Variants in ABCB11 observed in about 807,000 individuals in gnomAD.
ABCB11 encodes the protein ATP binding cassette subfamily B member 11.
A neutral mutation model predicts 148.0 loss-of-function variants in ABCB11; 95 were observed. The ratio of observed to expected loss-of-function variants is 0.64; its 90% CI spans 0.54 to 0.76. The LOEUF (loss-of-function observed/expected upper bound fraction) is 0.76. Among genes scored for constraint, ABCB11 ranks in the 30% least tolerant of loss-of-function variants. The pLI is 0.00. For missense variants in ABCB11, 1,523 were observed against 1,617.8 expected (o/e 0.94, Z 1.01); for synonymous variants, 591 against 555.4 (o/e 1.06, Z -0.90).
chr2:168,954,538 G>A (rs1221757266), intron 19 of ABCB11, among the ~76,000 whole-genome samples: 3 of 151,230 alleles, frequency 2.0e-5, no homozygotes, highest in Admixed American at 6.6e-5. Flanking sequence ...TCAGCACTTT[G>A]AAAATGCCAT....
chr2:168,972,435 T>C (rs1293741547), intron 13 of ABCB11, among the ~76,000 whole-genome samples: 1 of 120,194 alleles, frequency 8.3e-6, no homozygotes, highest in Non-Finnish European at 1.8e-5. Flanking sequence ...CAATGATCCC[T>C]ATCTTGTATA....
chr2:168,959,683 T>G (rs529350517), intron 18 of ABCB11, among the ~76,000 whole-genome samples: 29 of 151,718 alleles, frequency 1.9e-4, no homozygotes, highest in Non-Finnish European at 3.4e-4. Context: ...CCAAGTGAAG[T>G]GCAAACCTTA....
chr2:169,029,716 TCTTTCCTC>T (rs1695803909), intron 1 of ABCB11, among the ~76,000 whole-genome samples: 1 of 136,276 alleles, frequency 7.3e-6, no homozygotes, highest in South Asian at 2.4e-4. Flanking sequence ...AATGTACAGT[TCTTTCCTC>T]TTTTTTTTTT....
Position 168,970,133 on chromosome 2 carries a change from A to G in ABCB11, c.1721T>C (p.Ile574Thr), listed in dbSNP as rs1346179683. 3.7e-6 allele frequency: 6 copies of G among 1,612,858 alleles called. No individual in the cohort carries two copies. The highest frequency in any genetic ancestry group is 5.1e-6 in the Non-Finnish European group (6 of 1,179,314). The change falls in exon 15 of 28, where the codon ATC becomes ACC. Residue 574 changes from isoleucine to threonine, a missense_variant. Ile to Thr is a moderately conservative substitution (Grantham distance 89). Coordinates refer to ENST00000650372, the MANE Select transcript of ABCB11 (RefSeq NM_003742.4). Reference protein sequence around the residue: ...KQRVAIARALIRNPKILLLDM... With the variant: ...KQRVAIARALTRNPKILLLDM... ...CAAAAGCAGAATCTTGGGATTTCGGATGAGGGCTCTGGCGATAGCTACCCT... is the reference window on the plus strand; with the variant it reads ...CAAAAGCAGAATCTTGGGATTTCGGGTGAGGGCTCTGGCGATAGCTACCCT...
Position 168,924,790 on chromosome 2 carries a change from T to C in ABCB11, c.3632A>G (p.Asn1211Ser). The change falls in exon 27 of 28, where the codon AAC (asparagine) becomes AGC (serine). Residue 1211 changes from asparagine (N) to serine (S), a missense_variant. By Grantham distance (46) the Asn-to-Ser change is conservative. Coordinates refer to ENST00000650372, the MANE Select transcript of ABCB11 (RefSeq NM_003742.4). ...GAGTTGAGACCCCTGGGACCCAACGTTAGTTTCATATTTCTGAAAAAAAGT... is the reference window on the plus strand; with the variant it reads ...GAGTTGAGACCCCTGGGACCCAACGCTAGTTTCATATTTCTGAAAAAAAGT... ...VMSLPEKYET[N>S]VGSQGSQLSR... 6.2e-7 allele frequency: 1 copy of C among 1,611,452 alleles called. No homozygotes were observed. The highest frequency in any genetic ancestry group is 8.5e-7 in the Non-Finnish European group (1 of 1,178,908).
chr2:168,950,046 T>C (rs772883165), intron 19 of ABCB11, among the ~76,000 whole-genome samples: 65 of 151,132 alleles, frequency 4.3e-4, no homozygotes, highest in Non-Finnish European at 7.0e-4. Context: ...AGACAGCCTA[T>C]TGTGGGACCT....
At chr2:168,929,193 G>C (rs1691453949) in intron 25 of ABCB11, among the ~76,000 whole-genome samples, 1 of 152,052 alleles carries the variant, frequency 6.6e-6, no homozygotes, top group African/African-American at 2.4e-5. Context: ...ATTTGCTTTT[G>C]GATGAGCTCC....
chr2:168,969,175 G>A (rs1693457062), intron 16 of ABCB11, among the ~76,000 whole-genome samples, 175 bp downstream of exon 16: 1 of 150,948 alleles, frequency 6.6e-6, no homozygotes, highest in South Asian at 2.1e-4. Flanking sequence ...TTTTAGTGCT[G>A]TAACTTGATC....
In ABCB11 at chr2:168,936,258, T is replaced by C; in HGVS notation, c.2786A>G (p.Asp929Gly). ...TCCCACCATCTCCAGGGCCTGCTTATCTCGAGAGGCAAATCCTGTCAACAT... is the reference window on the plus strand; with the variant it reads ...TCCCACCATCTCCAGGGCCTGCTTACCTCGAGAGGCAAATCCTGTCAACAT... ...TRMLTGFASR[D>G]KQALEMVGQI... is the part of the protein sequence containing the mutation. Residue 929 changes from aspartate (D) to glycine (G), a missense_variant, in exon 22 of 28, where the codon GAT (aspartate) becomes GGT (glycine). Physicochemically the swap from Asp to Gly is moderately conservative, Grantham distance 94 (BLOSUM62 -1). Coordinates refer to ENST00000650372, the MANE Select transcript of ABCB11 (RefSeq NM_003742.4). The C allele has an allele frequency of 2.5e-6, 4 of 1,613,868 alleles. No individual in the cohort carries two copies. Among genetic ancestry groups the C allele is most frequent in the Non-Finnish European group, 3.4e-6 (4 of 1,179,838 alleles).
At chr2:169,001,963 A>G (rs575087141) in intron 5 of ABCB11, among the ~76,000 whole-genome samples, 2 of 152,310 alleles carry the variant, frequency 1.3e-5, no homozygotes, top group Admixed American at 6.5e-5. Flanking sequence ...CAATCAAAAG[A>G]CAGAGATTGT....
downstream of ABCB11, among the ~76,000 whole-genome samples, chr2:168,919,963 C>T (rs1351957561): frequency 1.3e-5 from 2 of 152,052 alleles, no homozygotes; most frequent in African/African-American, 2.4e-5. Flanking sequence ...GCCTCAACCA[C>T]CTGAACTCAA....
intron 6 of ABCB11, among the ~76,000 whole-genome samples, chr2:168,996,021 T>C (rs560035518): frequency 1.6e-5 from 2 of 127,050 alleles, no homozygotes; most frequent in South Asian, 2.7e-4. Context: ...AAATTCCCAA[T>C]GCCTAAATGG....
rs777001075 is a variant in ABCB11 at position 168,924,785 on chromosome 2, C to T, written c.3637G>A (p.Gly1213Arg). The change falls in exon 27 of 28, where the codon GGG (glycine) becomes AGG (arginine). Residue 1213 changes from glycine (G) to arginine (R), a missense_variant. Gly to Arg is a moderately radical substitution (Grantham distance 125). Coordinates refer to ENST00000650372, the MANE Select transcript of ABCB11 (RefSeq NM_003742.4). The part of the protein sequence containing the change: ...SLPEKYETNV[G>R]SQGSQLSRGE... ...CTAGAGAGTTGAGACCCCTGGGACC[C>T]AACGTTAGTTTCATATTTCTGAAAA... is the stretch of plus-strand genomic sequence containing the variant. 2 of 1,609,122 alleles carry T rather than the reference C, an allele frequency of 1.2e-6. No individual in the cohort carries two copies. The highest frequency in any genetic ancestry group is 1.7e-6 in the Non-Finnish European group (2 of 1,178,112).
chr2:168,967,870 A>G (rs1192884834), intron 17 of ABCB11, among the ~76,000 whole-genome samples: 2 of 151,970 alleles, frequency 1.3e-5, no homozygotes, highest in Non-Finnish European at 2.9e-5. Flanking sequence ...TTGAAAGTAA[A>G]CAGCTTTATA....
intron 11 of ABCB11, among the ~76,000 whole-genome samples, chr2:168,979,534 G>A (rs572147981): frequency 6.6e-6 from 1 of 151,950 alleles, no homozygotes; most frequent in Non-Finnish European, 1.5e-5. Context: ...AAGAACAGGG[G>A]TCTTACTTGT....
rs55868238 is a variant in ABCB11, at chr2:168,971,718, AT to A, written c.1638+128del. 0.023 allele frequency: 18,937 copies of A among 836,816 alleles called. 429 individuals are homozygous for A. The highest frequency in any genetic ancestry group is 0.065 in the East Asian group (2,508 of 38,856). The allele number at this position is 836,816 out of a possible 1,614,324, so 51.8% of individuals were successfully genotyped here. On this transcript the variant is annotated intron_variant, in intron 14 of 27. Transcript: ENST00000650372. ...AAACACTCATGGTACTTTTTCAGGC[AT>A]GAAACTAAAACATGGCTTAAGAATT...
intron 14 of ABCB11, 65 bp downstream of exon 14, chr2:168,971,782 A>C: frequency 1.4e-6 from 2 of 1,477,232 alleles, no homozygotes; most frequent in Non-Finnish European, 1.9e-6. Context: ...AATGTGTATA[A>C]TTGTGCAACT....
rs1694315046 is a variant in ABCB11, at chr2:168,986,192, A to G, written c.1001T>C (p.Phe334Ser). Residue 334 changes from phenylalanine (F) to serine (S), a missense_variant, in exon 10 of 28, where the codon TTT becomes TCT. By Grantham distance (155) the Phe-to-Ser change is radical. Coordinates refer to ENST00000650372, the MANE Select transcript of ABCB11 (RefSeq NM_003742.4). ...FFTGFVWCLI[F>S]LCYALAFWYG... ...CCAGAAGGCCAGTGCATAACACAAA[A>G]AGATGAGACACCACACGAATCCAGT... The G allele has an allele frequency of 1.2e-6, 2 of 1,613,354 alleles. No individual in the cohort carries two copies. The highest frequency in any genetic ancestry group is 1.7e-6 in the Non-Finnish European group (2 of 1,179,596).
intron 18 of ABCB11, among the ~76,000 whole-genome samples, chr2:168,959,993 T>C (rs1234488107): frequency 6.7e-6 from 1 of 148,352 alleles, no homozygotes; most frequent in Non-Finnish European, 1.5e-5. Context: ...AGGATGCTCA[T>C]GTATTCTGCC....
Sources: allele counts gnomAD v4.1 joint callset (sites outside exome capture counted in the v4.1 genomes callset), GRCh38; gene constraint gnomAD v4.1.1; transcripts MANE v1.5; gene names NCBI Gene and HGNC (gene_info 2026-07-23, HGNC 2026-07-21).